The following TAF3 variants were observed in gnomAD, a reference collection of about 807,000 sequenced individuals.
The protein encoded by TAF3 is TATA-box binding protein associated factor 3, also known as transcription initiation factor TFIID subunit 3.
Under a neutral mutation model 80.6 loss-of-function variants are expected in TAF3, and 7 were observed. That is an observed-to-expected ratio of 0.09 (90% CI 0.05 to 0.16). TAF3 has a LOEUF of 0.16. TAF3 is among the 10% of genes least tolerant of loss of function. The pLI is 1.00. For missense variants in TAF3, 921 were observed against 1,140.2 expected (o/e 0.81, Z 2.77); for synonymous variants, 444 against 446.1 (o/e 1.00, Z 0.06).
intron 2 of TAF3, among the ~76,000 whole-genome samples, chr10:7,865,782 A>G (rs951352256): frequency 2.0e-5 from 3 of 152,260 alleles, no homozygotes; most frequent in Admixed American, 2.0e-4. Flanking sequence ...CTCGAACAGC[A>G]GCAGAGGATA....
intron 2 of TAF3, among the ~76,000 whole-genome samples, chr10:7,903,096 C>T (rs1313302528): frequency 2.0e-5 from 3 of 152,210 alleles, no homozygotes; most frequent in Non-Finnish European, 2.9e-5. Flanking sequence ...GTGACACACC[C>T]GTGCTCCCAG....
intron 2 of TAF3, among the ~76,000 whole-genome samples, chr10:7,832,369 A>G (rs1836809701): frequency 1.3e-5 from 2 of 150,784 alleles, no homozygotes; most frequent in Admixed American, 1.3e-4. Context: ...AAATGACAAA[A>G]TTTCCTTCTT....
chr10:7,926,653 T>C (rs1264048313), intron 2 of TAF3, among the ~76,000 whole-genome samples: 1 of 152,196 alleles, frequency 6.6e-6, no homozygotes, highest in African/African-American at 2.4e-5. Flanking sequence ...CTCTGGTCAA[T>C]TGAAAATTAA....
In TAF3 at chr10:7,964,252, A is replaced by T. The variant is rs777136760; in HGVS notation, c.742A>T (p.Met248Leu). The T allele has an allele frequency of 1.2e-6, 2 of 1,614,222 alleles. No individual in the cohort carries two copies. The highest frequency in any genetic ancestry group is 4.5e-5 in the East Asian group (2 of 44,886). The part of the protein sequence containing the change: ...DLAPPSPEPP[M>L]LAPVAKSQMP... The stretch of plus-strand genomic sequence containing the variant: ...GGCACCTCCCTCACCCGAGCCGCCA[A>T]TGTTGGCTCCAGTTGCAAAATCACA... The change falls in exon 3 of 7, where the codon ATG becomes TTG. Residue 248 changes from methionine (M) to leucine (L), a missense_variant. By Grantham distance (15) the Met-to-Leu change is conservative. This residue lies in a region of TAF3 where 743 missense variants were observed against 821.0 expected (regional missense o/e 0.90). Transcript: ENST00000344293. This position sits in a 1 kb window ranked among gnomAD's most constrained non-coding sequence, Gnocchi z 4.1.
At chr10:7,922,098 C>G (rs1326013631) in intron 2 of TAF3, among the ~76,000 whole-genome samples, 1 of 152,058 alleles carries the variant, frequency 6.6e-6, no homozygotes, top group Non-Finnish European at 1.5e-5. Flanking sequence ...ATAAATTCAA[C>G]TCTCAGTATT....
chr10:7,901,422 T>C (rs973354654), intron 2 of TAF3, among the ~76,000 whole-genome samples: 1 of 152,244 alleles, frequency 6.6e-6, no homozygotes, highest in African/African-American at 2.4e-5. Context: ...AGTTCTACTC[T>C]TTCTGGCAAA....
chr10:7,893,337 A>G (rs887502153), intron 2 of TAF3, among the ~76,000 whole-genome samples: 13 of 152,106 alleles, frequency 8.5e-5, no homozygotes, highest in South Asian at 2.1e-4. Flanking sequence ...ACTTTTTTTT[A>G]AATCTGTGCC....
chr10:7,902,378 G>T (rs1164779367), intron 2 of TAF3, among the ~76,000 whole-genome samples: 1 of 152,002 alleles, frequency 6.6e-6, no homozygotes, highest in African/African-American at 2.4e-5. Context: ...AGCCGAGATT[G>T]CACCACTGCA....
At chr10:8,012,063 A>G (rs1486223102) in intron 5 of TAF3, among the ~76,000 whole-genome samples, 1 of 152,160 alleles carries the variant, frequency 6.6e-6, no homozygotes, top group Non-Finnish European at 1.5e-5. Context: ...TGTAGTCTCA[A>G]CTACTCAGGA....
In TAF3 at chr10:7,964,743, T is replaced by C; in HGVS notation, c.1233T>C (p.Ser411=). 1 of 1,614,200 alleles carries C rather than the reference T, an allele frequency of 6.2e-7. No homozygotes were observed. Among genetic ancestry groups the C allele is most frequent in the Non-Finnish European group, 8.5e-7 (1 of 1,180,044 alleles). ...AGCCAGATCCTTTCGAATTTTCTTC[T>C]GGATCGGAATCTGAAGGAGACATTT... ...EREPDPFEFS[S]GSESEGDIFT... is the part of the protein sequence containing the mutation. Residue 411 remains serine, a synonymous_variant, in exon 3 of 7, where the codon TCT becomes TCC. Coordinates refer to ENST00000344293, the MANE Select transcript of TAF3 (RefSeq NM_031923.4). This position sits in a 1 kb window ranked among gnomAD's most constrained non-coding sequence, Gnocchi z 4.1.
Position 8,009,163 on chromosome 10 carries a change from C to T in TAF3, c.2401C>T (p.Pro801Ser). The change falls in exon 5 of 7, where the codon CCC (proline) becomes TCC (serine). Residue 801 changes from proline to serine, a missense_variant. Pro to Ser is a moderately conservative substitution (Grantham distance 74, BLOSUM62 -1). Coordinates refer to ENST00000344293, the MANE Select transcript of TAF3 (RefSeq NM_031923.4). This position sits in a 1 kb window ranked among gnomAD's most constrained non-coding sequence, Gnocchi z 4.1. The part of the protein sequence containing the change: ...RPKTPPPAPA[P>S]APGPMLVSPA... ...GAAGACCCCACCGCCGGCCCCCGCGCCCGCCCCCGGCCCCATGCTCGTCAG... is the reference window on the plus strand; with the variant it reads ...GAAGACCCCACCGCCGGCCCCCGCGTCCGCCCCCGGCCCCATGCTCGTCAG... The T allele has an allele frequency of 3.9e-6, 6 of 1,548,104 alleles. No individual in the cohort carries two copies. The highest frequency in any genetic ancestry group is 5.2e-6 in the Non-Finnish European group (6 of 1,147,278).
intron 4 of TAF3, among the ~76,000 whole-genome samples, chr10:7,992,622 A>G (rs1458167961): frequency 6.7e-6 from 1 of 148,944 alleles, no homozygotes; most frequent in Non-Finnish European, 1.5e-5. Flanking sequence ...GCAAAGATGT[A>G]TGGAGTGAAA....
chr10:7,931,024 A>G (rs1837863606), intron 2 of TAF3, among the ~76,000 whole-genome samples: 1 of 152,234 alleles, frequency 6.6e-6, no homozygotes, highest in Admixed American at 6.5e-5. Flanking sequence ...CTACAGTACC[A>G]GTGAAGTCTG....
intron 2 of TAF3, among the ~76,000 whole-genome samples, chr10:7,945,841 A>C (rs1351420551): frequency 6.6e-6 from 1 of 152,062 alleles, no homozygotes. Context: ...TCTCCCTAGC[A>C]CTTACTGTGA....
At chr10:7,934,595 C>T (rs985570667) in intron 2 of TAF3, among the ~76,000 whole-genome samples, 14 of 152,078 alleles carry the variant, frequency 9.2e-5, no homozygotes, top group Admixed American at 3.3e-4. Context: ...CAAGCACCCG[C>T]CACCACGCCT....
intron 2 of TAF3, among the ~76,000 whole-genome samples, chr10:7,887,819 T>TAA (rs551170000): frequency 1.4e-5 from 2 of 146,788 alleles, no homozygotes; most frequent in Non-Finnish European, 3.0e-5. Flanking sequence ...ATTGGCCACT[T>TAA]AAAAAAAAAA....
chr10:7,966,577 T>G (rs1831573360), intron 3 of TAF3, among the ~76,000 whole-genome samples: 1 of 152,134 alleles, frequency 6.6e-6, no homozygotes, highest in Non-Finnish European at 1.5e-5. Flanking sequence ...TCATAAACTT[T>G]CCGAAAAAGT....
intron 4 of TAF3, among the ~76,000 whole-genome samples, chr10:7,986,157 T>C (rs532235250): frequency 6.6e-6 from 1 of 152,276 alleles, no homozygotes; most frequent in Non-Finnish European, 1.5e-5. Flanking sequence ...TTCTTTTCTT[T>C]TTGCCCTTGG....
At chr10:7,900,307 A>G (rs188851750) in intron 2 of TAF3, among the ~76,000 whole-genome samples, 31 of 152,362 alleles carry the variant, frequency 2.0e-4, no homozygotes, top group Admixed American at 8.5e-4. Context: ...GCAATTATTG[A>G]TAAATTATAC....
Sources: allele counts gnomAD v4.1 joint callset (sites outside exome capture counted in the v4.1 genomes callset), GRCh38; gene constraint gnomAD v4.1.1; regional missense constraint gnomAD v4.1.1; non-coding constraint Gnocchi (gnomAD v3.1); transcripts MANE v1.5; gene names NCBI Gene and HGNC (gene_info 2026-07-23, HGNC 2026-07-21).